The following AP3B2 variants were observed in gnomAD, a reference collection of about 807,000 sequenced individuals.
AP3B2 encodes adaptor related protein complex 3 subunit beta 2, also known as AP-3 complex subunit beta-2.
AP3B2 carries 50 observed loss-of-function variants against 126.9 expected under a neutral mutation model. That is an observed-to-expected ratio of 0.39 (90% CI 0.31 to 0.50). AP3B2 has a LOEUF of 0.50. Ranked by LOEUF, AP3B2 falls within the 20% of genes least tolerant of loss-of-function variation. The pLI is 0.79. For missense variants in AP3B2, 1,177 were observed against 1,426.4 expected, an observed-to-expected ratio of 0.83 and a Z score of 2.82; for synonymous variants, 541 against 565.0, an observed-to-expected ratio of 0.96 and a Z score of 0.60.
chr15:82,663,846 C>G lies in AP3B2; in HGVS notation c.2391G>C (p.Glu797Asp). ...SSSSESEMTSESEEEQLEPAS... is the reference protein window; with the variant it reads ...SSSSESEMTSDSEEEQLEPAS... ...CAGGTTCTAACTGCTCCTCCTCGGA[C>G]TCCGATGTCATCTCGGACTCTGATG... is the stretch of plus-strand genomic sequence containing the variant. Residue 797 changes from glutamate (E) to aspartate (D), a missense_variant, in exon 20 of 27, where the codon GAG becomes GAC. Glu to Asp is a conservative substitution (Grantham distance 45, BLOSUM62 2). This residue lies in a region of AP3B2 where 587 missense variants were observed against 571.3 expected (regional missense o/e 1.03). Coordinates refer to ENST00000535359, the MANE Select transcript of AP3B2 (RefSeq NM_001278512.2). 1 of 1,613,936 alleles carries G rather than the reference C, an allele frequency of 6.2e-7. No homozygotes were observed. Among genetic ancestry groups the G allele is most frequent in the Non-Finnish European group, 8.5e-7 (1 of 1,179,868 alleles).
chr15:82,699,474 T>C (rs1007450604), intron 1 of AP3B2, among the ~76,000 whole-genome samples: 2 of 152,104 alleles, frequency 1.3e-5, no homozygotes, highest in African/African-American at 4.8e-5. Context: ...CCCCATACGG[T>C]GCCCCTGACC....
chr15:82,708,131 C>T (rs2048825815), intron 1 of AP3B2, among the ~76,000 whole-genome samples: 1 of 152,202 alleles, frequency 6.6e-6, no homozygotes, highest in African/African-American at 2.4e-5. Flanking sequence ...CTGTGCCTGC[C>T]TTAACTGATG....
intron 25 of AP3B2, 70 bp from the exon 26 acceptor site, chr15:82,660,053 C>G: frequency 6.5e-7 from 1 of 1,550,110 alleles, no homozygotes; most frequent in Non-Finnish European, 8.8e-7. Context: ...GGTCTGCTTA[C>G]TGAGCAACAA....
Position 82,659,575 on chromosome 15 carries a change from C to T in AP3B2, c.3291G>A (p.Gln1097=). 6.2e-7 allele frequency: 1 copy of T among 1,613,888 alleles called. No homozygotes were observed. Among genetic ancestry groups the T allele is most frequent in the South Asian group, 1.1e-5 (1 of 91,070 alleles). ...CATTTGGAAGTCACTGGGTCAGAGCCTGTATCACATCCTTTACCAGCATGG... is the reference window on the plus strand; with the variant it reads ...CATTTGGAAGTCACTGGGTCAGAGCTTGTATCACATCCTTTACCAGCATGG... ...IGTMLVKDVI[Q]ALTQ Residue 1097 remains glutamine (Q), a synonymous_variant, in exon 27 of 27, where the codon CAG becomes CAA. Coordinates refer to ENST00000535359, the MANE Select transcript of AP3B2 (RefSeq NM_001278512.2).
At position 82,662,675 on chromosome 15, in the gene AP3B2, C is replaced by G. The variant is rs1312089902; in HGVS notation, c.2833+19G>C. 2.5e-6 allele frequency: 4 copies of G among 1,596,518 alleles called. No individual in the cohort carries two copies. Among genetic ancestry groups the G allele is most frequent in the Non-Finnish European group, 3.4e-6 (4 of 1,170,432 alleles). On this transcript the variant is annotated intron_variant, in intron 23 of 26. Coordinates refer to ENST00000535359, the MANE Select transcript of AP3B2 (RefSeq NM_001278512.2). ...TGCCCAGGAGCCTCCTCCTCCACCC[C>G]ATCCAAAGCCCTTCGCACCAATTTC... is the stretch of plus-strand genomic sequence containing the variant.
In AP3B2 at chr15:82,666,802, G is replaced by C; in HGVS notation, c.1797C>G (p.Ala599=). The C allele has an allele frequency of 6.2e-6, 10 of 1,614,022 alleles. No homozygotes were observed. The highest frequency in any genetic ancestry group is 8.5e-6 in the Non-Finnish European group (10 of 1,179,886). The change falls in exon 15 of 27, where the codon GCC becomes GCG. Residue 599 remains alanine (A), a synonymous_variant. Coordinates refer to ENST00000535359, the MANE Select transcript of AP3B2 (RefSeq NM_001278512.2). ...SEQGGALSRH[A]KKLFLAPKPA... ...GTTTGGGTGCCAGGAAGAGCTTCTT[G>C]GCATGGCGGCTGAGGGCCCCACCCT...
chr15:82,695,186 A>G (rs12442686), intron 1 of AP3B2, among the ~76,000 whole-genome samples: 84,418 of 147,752 alleles, frequency 0.57, 24,222 homozygotes, highest in Non-Finnish European at 0.63. Context: ...TGCAGCCTCC[A>G]CCTTCTGGGT....
At position 82,665,014 on chromosome 15, in the gene AP3B2, A is replaced by G. The variant is rs1036007259; in HGVS notation, c.2029-71T>C. On this transcript the variant is annotated intron_variant, in intron 17 of 26. Transcript: ENST00000535359. This position sits in a 1 kb window ranked among gnomAD's most constrained non-coding sequence, Gnocchi z 4.4. ...AGAAGGCAGGCAGGCACAAGCCCTTACCCTTTATTCCACCTCTTTGTGAGG... is the reference window on the plus strand; with the variant it reads ...AGAAGGCAGGCAGGCACAAGCCCTTGCCCTTTATTCCACCTCTTTGTGAGG... 2.4e-6 allele frequency: 3 copies of G among 1,261,332 alleles called. No homozygotes were observed. The African/African-American group carries it at 4.5e-5, about 19-fold the overall frequency. The allele number at this position is 1,261,332 out of a possible 1,614,324, so 78.1% of individuals were successfully genotyped here. A position where few individuals can be genotyped will look rare whatever the true frequency, so the allele number is the denominator to read the frequency against.
At chr15:82,692,283 A>T (rs973712641) in intron 1 of AP3B2, 3 of 738,892 alleles carry the variant, frequency 4.1e-6, no homozygotes, top group Non-Finnish European at 6.6e-6. Context: ...GTACTTGTAG[A>T]AAAGGTCTTC....
At chr15:82,691,964 A>T (rs1186151529) in intron 1 of AP3B2, 13 of 1,427,522 alleles carry the variant, frequency 9.1e-6, no homozygotes, top group Non-Finnish European at 1.2e-5. Flanking sequence ...GTCCTTCTGC[A>T]CATCGGCATA....
At chr15:82,675,000 C>G (rs534698141) in intron 14 of AP3B2, among the ~76,000 whole-genome samples, 5 of 152,230 alleles carry the variant, frequency 3.3e-5, no homozygotes, top group Non-Finnish European at 5.9e-5. Flanking sequence ...AGACTCCCAC[C>G]TACCTGGGTG....
chr15:82,659,357 ATC>A lies in AP3B2; in HGVS notation c.*201_*202del, dbSNP rs1333968130. 24 of 561,922 alleles carry A rather than the reference ATC, an allele frequency of 4.3e-5. No homozygotes were observed. Among genetic ancestry groups the A allele is most frequent in the Middle Eastern group, 4.2e-4 (1 of 2,394 alleles). The allele number at this position is 561,922 out of a possible 1,614,324, so 34.8% of individuals were successfully genotyped here. ...GGGAGGACTGAAGGGAGTGGCTGCCATCTCTCTCTGCACAGATCACTAAGGAA... is the reference window on the plus strand; with the variant it reads ...GGGAGGACTGAAGGGAGTGGCTGCCATCTCTCTGCACAGATCACTAAGGAA... On this transcript the variant is annotated 3_prime_UTR_variant, in exon 27 of 27. Transcript: ENST00000535359.
chr15:82,664,264 G>C lies in AP3B2; in HGVS notation c.2261+103C>G. 2 of 1,567,646 alleles carry C rather than the reference G, an allele frequency of 1.3e-6. No homozygotes were observed. Among genetic ancestry groups the C allele is most frequent in the South Asian group, 2.3e-5 (2 of 88,220 alleles). On this transcript the variant is annotated intron_variant, in intron 19 of 26. Transcript: ENST00000535359. This position sits in a 1 kb window ranked among gnomAD's most constrained non-coding sequence, Gnocchi z 4.5. The stretch of plus-strand genomic sequence containing the variant: ...GCTGACAGCCCCACCCAGCTCACGA[G>C]GGGCTCAGGGGCTCTTAGGAGACTG...
intron 1 of AP3B2, chr15:82,699,882 C>A: frequency 2.5e-6 from 1 of 399,750 alleles, no homozygotes; most frequent in Non-Finnish European, 4.4e-6. Context: ...GCATCAGGTT[C>A]TTCTCCAGGA....
chr15:82,662,906 G>C lies in AP3B2; in HGVS notation c.2621C>G (p.Ser874Trp), dbSNP rs753128051. Residue 874 changes from serine to tryptophan, a missense_variant, in exon 23 of 27, where the codon TCG becomes TGG. Ser to Trp is a radical substitution (Grantham distance 177). Transcript: ENST00000535359. Reference sequence around the variant, plus strand: ...CAGCAGCTCCTGCCGCCCAACACCCGATACTGGACTCAGAAGCTAGAGTGG... The same window carrying C: ...CAGCAGCTCCTGCCGCCCAACACCCCATACTGGACTCAGAAGCTAGAGTGG... ...TLVPSLLSPV[S>W]GVGRQELLHR... 1 of 1,612,938 alleles carries C rather than the reference G, an allele frequency of 6.2e-7. No homozygotes were observed. The highest frequency in any genetic ancestry group is 8.5e-7 in the Non-Finnish European group (1 of 1,179,702).
intron 1 of AP3B2, among the ~76,000 whole-genome samples, chr15:82,702,413 C>T (rs1449823185): frequency 6.6e-6 from 1 of 152,140 alleles, no homozygotes; most frequent in South Asian, 2.1e-4. Context: ...CCATCATATC[C>T]CCTGTGACCT....
chr15:82,669,792 A>G (rs4779042), intron 14 of AP3B2, among the ~76,000 whole-genome samples: 39,637 of 151,068 alleles, frequency 0.26, 5,267 homozygotes, highest in East Asian at 0.34. Flanking sequence ...ACCTGAGGTC[A>G]GGAGTTCGAG....
Position 82,665,098 on chromosome 15 carries a change from A to G in AP3B2, c.2028+149T>C, listed in dbSNP as rs927194303. On this transcript the variant is annotated intron_variant, in intron 17 of 26. Coordinates refer to ENST00000535359, the MANE Select transcript of AP3B2 (RefSeq NM_001278512.2). This position sits in a 1 kb window ranked among gnomAD's most constrained non-coding sequence, Gnocchi z 4.4. ...GAGGAGGAAGAAAGGGGCACTGTCC[A>G]TGGAGGGGAGGGAATGCTGCTCACA... 4 of 1,042,480 alleles carry G rather than the reference A, an allele frequency of 3.8e-6. No individual in the cohort carries two copies. The highest frequency in any genetic ancestry group is 4.1e-5 in the Admixed American group (2 of 48,560). The allele number at this position is 1,042,480 out of a possible 1,614,324, so 64.6% of individuals were successfully genotyped here.
At chr15:82,668,242 G>A (rs1231211967) in intron 14 of AP3B2, among the ~76,000 whole-genome samples, 4 of 152,196 alleles carry the variant, frequency 2.6e-5, no homozygotes, top group Admixed American at 2.0e-4. Context: ...CTTCAGCTCA[G>A]TCCCTTCCAG....
Sources: gnomAD v4.1 joint callset for allele counts (sites outside exome capture counted in the v4.1 genomes callset) on GRCh38, gnomAD v4.1.1 for gene constraint, gnomAD v4.1.1 regional missense constraint, Gnocchi (gnomAD v3.1) non-coding constraint, MANE v1.5 for transcripts, NCBI Gene and HGNC (gene_info 2026-07-23, HGNC 2026-07-21) for gene names.